NLGN1: variants seen among roughly 807,000 people sequenced by gnomAD.
NLGN1 encodes neuroligin-1.
In NLGN1, 12 loss-of-function variants were observed where a neutral mutation model predicts 65.5. The ratio of observed to expected loss-of-function variants is 0.18; its 90% confidence interval spans 0.12 to 0.30. NLGN1 has a LOEUF of 0.30. Among genes scored for constraint, NLGN1 ranks in the 10% least tolerant of loss-of-function variants. The pLI, the probability that NLGN1 is intolerant of heterozygous loss-of-function variation, is 1.00. For missense variants in NLGN1, 750 were observed against 1,007.1 expected (o/e 0.74, Z 3.46); for synonymous variants, 350 against 359.5 (o/e 0.97, Z 0.30).
intron 4 of NLGN1, among the ~76,000 whole-genome samples, chr3:174,152,117 A>C (rs1195899383): frequency 6.6e-6 from 1 of 151,330 alleles, no homozygotes; most frequent in Non-Finnish European, 1.5e-5. Context: ...GAATTTCAAA[A>C]TATAATGGTG....
At chr3:173,419,906 G>T (rs765683438) in intron 1 of NLGN1, among the ~76,000 whole-genome samples, 2 of 151,964 alleles carry the variant, frequency 1.3e-5, no homozygotes, top group Admixed American at 6.6e-5. Flanking sequence ...CCAGGAGGCA[G>T]AAGTTGCAGT....
chr3:173,436,342 A>G (rs1718135020), intron 2 of NLGN1, among the ~76,000 whole-genome samples: 1 of 152,126 alleles, frequency 6.6e-6, no homozygotes, highest in African/African-American at 2.4e-5. Context: ...ACCTCACACA[A>G]TTTTGTTTAT....
chr3:173,702,034 T>A (rs1767251547), intron 3 of NLGN1, among the ~76,000 whole-genome samples: 1 of 151,848 alleles, frequency 6.6e-6, no homozygotes, highest in Non-Finnish European at 1.5e-5. Context: ...GGTCAGGAGA[T>A]CGAGACCATC....
At chr3:173,765,333 C>T (rs1778615545) in intron 3 of NLGN1, among the ~76,000 whole-genome samples, 1 of 151,864 alleles carries the variant, frequency 6.6e-6, no homozygotes, top group South Asian at 2.1e-4. Flanking sequence ...GGTAATTGAC[C>T]AGATAGACAA....
intron 3 of NLGN1, among the ~76,000 whole-genome samples, chr3:173,664,875 T>G (rs1343462086): frequency 6.6e-6 from 1 of 152,126 alleles, no homozygotes; most frequent in African/African-American, 2.4e-5. Flanking sequence ...TTATTTTATA[T>G]GTGTTTGTAT....
At chr3:173,712,989 T>C (rs955285513) in intron 3 of NLGN1, among the ~76,000 whole-genome samples, 2 of 152,204 alleles carry the variant, frequency 1.3e-5, no homozygotes, top group African/African-American at 4.8e-5. Flanking sequence ...AACAATGATA[T>C]ACTTAAAGAC....
chr3:173,920,813 T>G (rs34751481), intron 4 of NLGN1: 50,308 of 151,290 alleles, frequency 0.33, 8,889 homozygotes, highest in African/African-American at 0.45. Context: ...TAGAGAGAGA[T>G]AGAAACAGAG....
At chr3:173,634,942 G>A (rs1169192029) in intron 3 of NLGN1, among the ~76,000 whole-genome samples, 2 of 152,022 alleles carry the variant, frequency 1.3e-5, no homozygotes, top group African/African-American at 2.4e-5. Context: ...AGGGGAGAGC[G>A]CCCTTCTCCA....
At chr3:174,042,296 C>A (rs558085727) in intron 4 of NLGN1, among the ~76,000 whole-genome samples, 1 of 152,076 alleles carries the variant, frequency 6.6e-6, no homozygotes, top group Admixed American at 6.6e-5. Flanking sequence ...TGTCTAGCTC[C>A]AAGCCATACA....
intron 2 of NLGN1, among the ~76,000 whole-genome samples, chr3:173,542,286 G>C (rs980988009): frequency 6.6e-6 from 1 of 151,890 alleles, no homozygotes; most frequent in Non-Finnish European, 1.5e-5. Flanking sequence ...AGACTCTGCA[G>C]ATCTTCTCTA....
At chr3:174,174,075 T>C (rs1729015551) in intron 4 of NLGN1, among the ~76,000 whole-genome samples, 3 of 152,108 alleles carry the variant, frequency 2.0e-5, no homozygotes, top group South Asian at 4.1e-4. Context: ...GAACATATGA[T>C]GTTTGTTATT....
intron 4 of NLGN1, among the ~76,000 whole-genome samples, chr3:174,101,518 A>G (rs1490928436): frequency 2.0e-5 from 3 of 152,210 alleles, no homozygotes; most frequent in Non-Finnish European, 4.4e-5. Context: ...TGCTGGAGCC[A>G]TCTCAGCCTA....
At chr3:173,619,244 G>T (rs983251828) in intron 3 of NLGN1, among the ~76,000 whole-genome samples, 17 of 152,192 alleles carry the variant, frequency 1.1e-4, no homozygotes, top group Non-Finnish European at 2.4e-4. Flanking sequence ...ATGACCACTT[G>T]TATTTTTACC....
At chr3:174,035,416 A>G (rs116226723) in intron 4 of NLGN1, among the ~76,000 whole-genome samples, 237 of 152,334 alleles carry the variant, frequency 1.6e-3, no homozygotes, top group African/African-American at 5.7e-3. Flanking sequence ...GAAAAGGCTT[A>G]TCAGTAGAAC....
chr3:173,488,717 C>G (rs1001484559), intron 2 of NLGN1, among the ~76,000 whole-genome samples: 1 of 151,826 alleles, frequency 6.6e-6, no homozygotes. Context: ...ATGTGCTGCA[C>G]TATTATTTTG....
intron 4 of NLGN1, among the ~76,000 whole-genome samples, chr3:173,815,396 C>T (rs777566831): frequency 9.9e-5 from 15 of 152,238 alleles, no homozygotes; most frequent in African/African-American, 2.9e-4. Context: ...CATGAGCCAC[C>T]GCACCCAGCC....
At chr3:173,698,322 T>C (rs752818559) in intron 3 of NLGN1, among the ~76,000 whole-genome samples, 60 of 152,212 alleles carry the variant, frequency 3.9e-4, no homozygotes, top group Non-Finnish European at 1.0e-4. Flanking sequence ...TCGAAGATTT[T>C]TTTTATGCCA....
chr3:174,156,768 A>T (rs561164033), intron 4 of NLGN1, among the ~76,000 whole-genome samples: 2 of 151,688 alleles, frequency 1.3e-5, no homozygotes, highest in Non-Finnish European at 2.9e-5. Context: ...TTTGTGATTA[A>T]TGTCAAAATG....
At chr3:173,522,019 T>A (rs1470716283) in intron 2 of NLGN1, among the ~76,000 whole-genome samples, 1 of 152,196 alleles carries the variant, frequency 6.6e-6, no homozygotes, top group Non-Finnish European at 1.5e-5. Flanking sequence ...AGAAGCCCAA[T>A]CCCCACCACT....
Sources: gnomAD v4.1 joint callset for allele counts (sites outside exome capture counted in the v4.1 genomes callset) on GRCh38, gnomAD v4.1.1 for gene constraint, MANE v1.5 for transcripts, NCBI Gene and HGNC (gene_info 2026-07-23, HGNC 2026-07-21) for gene names.